EPHB1: variants seen among roughly 807,000 people sequenced by gnomAD.
EPHB1 encodes ephrin type-B receptor 1.
EPHB1 carries 30 observed loss-of-function variants against 94.4 expected under a neutral mutation model. The ratio of observed to expected loss-of-function variants is 0.32; its 90% CI spans 0.24 to 0.43. The LOEUF (loss-of-function observed/expected upper bound fraction) is 0.43, where lower values mean the gene tolerates loss of function less well. Among genes scored for constraint, EPHB1 ranks in the 20% least tolerant of loss-of-function variants. The probability of loss-of-function intolerance (pLI) is 1.00; values close to 1 mark genes in which losing one functional copy is unlikely to be tolerated. For missense variants in EPHB1, 1,055 were observed against 1,308.3 expected, an observed-to-expected ratio of 0.81 and a Z score of 2.99; for synonymous variants, 522 against 489.1, an observed-to-expected ratio of 1.07 and a Z score of -0.89.
chr3:135,088,878 A>C (rs1392677095), intron 3 of EPHB1, among the ~76,000 whole-genome samples: 1 of 152,238 alleles, frequency 6.6e-6, no homozygotes, highest in East Asian at 1.9e-4. Flanking sequence ...TTTATAATAG[A>C]AAATATTAAC....
At chr3:134,831,409 C>A (rs923626281) in intron 1 of EPHB1, among the ~76,000 whole-genome samples, 3 of 152,196 alleles carry the variant, frequency 2.0e-5, no homozygotes, top group African/African-American at 7.2e-5. Context: ...CGGGCCATGG[C>A]CTTTCACACT....
chr3:134,903,204 G>A (rs544743039), intron 1 of EPHB1, among the ~76,000 whole-genome samples: 10 of 152,346 alleles, frequency 6.6e-5, no homozygotes, highest in East Asian at 1.9e-4. Flanking sequence ...GGGTGGCTCC[G>A]TGCCAAGCTG....
chr3:135,255,392 A>G (rs78979334), intron 15 of EPHB1, among the ~76,000 whole-genome samples: 25,717 of 115,400 alleles, frequency 0.22, 3,470 homozygotes, highest in Middle Eastern at 0.34. Context: ...CTTTGAATGC[A>G]TCCCAGAGAT....
intron 9 of EPHB1, among the ~76,000 whole-genome samples, chr3:135,176,245 C>T (rs1941974894): frequency 6.6e-6 from 1 of 152,162 alleles, no homozygotes; most frequent in African/African-American, 2.4e-5. Flanking sequence ...GCCACCTTCC[C>T]AGCCCACCCT....
intron 13 of EPHB1, among the ~76,000 whole-genome samples, chr3:135,246,884 TTATCTCATGTCC>T (rs1469914432): frequency 3.6e-4 from 55 of 152,330 alleles, no homozygotes; most frequent in African/African-American, 1.1e-3. Context: ...GGTTATCATT[TTATCTCATGTCC>T]TATCTCATGT....
chr3:134,912,655 CT>C (rs966158690), intron 1 of EPHB1, among the ~76,000 whole-genome samples: 26 of 152,244 alleles, frequency 1.7e-4, no homozygotes, highest in African/African-American at 6.0e-4. Flanking sequence ...TAAATGCCCC[CT>C]GAGGCCTGAT....
At chr3:134,884,414 A>G (rs181393019) in intron 1 of EPHB1, among the ~76,000 whole-genome samples, 39 of 152,314 alleles carry the variant, frequency 2.6e-4, no homozygotes, top group South Asian at 6.2e-4. Flanking sequence ...AATGAGTACA[A>G]CTTTCTTTTA....
At chr3:135,173,090 A>G (rs1941854994) in intron 9 of EPHB1, among the ~76,000 whole-genome samples, 1 of 145,574 alleles carries the variant, frequency 6.9e-6, no homozygotes, top group Admixed American at 7.0e-5. Context: ...GCTGGAGTGC[A>G]GTGGCGGGAT....
At chr3:135,229,176 T>A (rs1052614606) in intron 12 of EPHB1, among the ~76,000 whole-genome samples, 1 of 152,230 alleles carries the variant, frequency 6.6e-6, no homozygotes, top group Non-Finnish European at 1.5e-5. Context: ...GCAGGGCTCA[T>A]GCAGGGAGGC....
chr3:134,942,778 A>G (rs79573991), intron 2 of EPHB1, among the ~76,000 whole-genome samples: 143 of 152,360 alleles, frequency 9.4e-4, no homozygotes, highest in African/African-American at 3.2e-3. Flanking sequence ...ATGGTGTTCC[A>G]TAATTCCAGT....
At chr3:135,231,960 C>T (rs1943541768) in intron 12 of EPHB1, among the ~76,000 whole-genome samples, 1 of 152,148 alleles carries the variant, frequency 6.6e-6, no homozygotes, top group Non-Finnish European at 1.5e-5. Flanking sequence ...AAATAAGCAG[C>T]AGGGCCAGAT....
intron 3 of EPHB1, among the ~76,000 whole-genome samples, chr3:135,105,814 C>A (rs1489672682): frequency 6.6e-6 from 1 of 152,144 alleles, no homozygotes; most frequent in Non-Finnish European, 1.5e-5. Flanking sequence ...GGAAGCATAT[C>A]AAAATGCAAT....
At chr3:135,093,721 C>CAAAAAAAAAA (rs11297040) in intron 3 of EPHB1, among the ~76,000 whole-genome samples, 1 of 140,500 alleles carries the variant, frequency 7.1e-6, no homozygotes. Context: ...GACCCTGACT[C>CAAAAAAAAAA]AAAAAAAAAA....
At chr3:134,796,721 G>A (rs1344887023) in intron 1 of EPHB1, among the ~76,000 whole-genome samples, 1 of 152,264 alleles carries the variant, frequency 6.6e-6, no homozygotes, top group Non-Finnish European at 1.5e-5. Context: ...CGGAGTTGGA[G>A]TTGTCGGGAG....
At chr3:135,161,715 C>T (rs1231374324) in intron 6 of EPHB1, among the ~76,000 whole-genome samples, 1 of 152,186 alleles carries the variant, frequency 6.6e-6, no homozygotes, top group Non-Finnish European at 1.5e-5. Context: ...CACCTCTGAA[C>T]CCTTGGGGAG....
At chr3:134,964,881 A>T (rs1933669745) in intron 3 of EPHB1, among the ~76,000 whole-genome samples, 1 of 152,186 alleles carries the variant, frequency 6.6e-6, no homozygotes, top group African/African-American at 2.4e-5. Context: ...ATTTCCATTC[A>T]TTGTTTTTAT....
chr3:135,125,243 T>C (rs1576408401), intron 4 of EPHB1, among the ~76,000 whole-genome samples: 1 of 151,556 alleles, frequency 6.6e-6, no homozygotes, highest in East Asian at 1.9e-4. Context: ...CTCCCTCCCC[T>C]ATGGTAAAAC....
chr3:134,981,969 T>G (rs935610481), intron 3 of EPHB1, among the ~76,000 whole-genome samples: 2 of 152,230 alleles, frequency 1.3e-5, no homozygotes, highest in African/African-American at 4.8e-5. Flanking sequence ...CTAAGTCTAA[T>G]TTAACCCACA....
rs902841767 is a variant in EPHB1, at chr3:135,106,029, C to T, written c.806-419C>T. Among the ~76,000 whole-genome samples, 6 of 152,172 alleles carry T rather than the reference C, an allele frequency of 3.9e-5. No individual in the cohort carries two copies. The South Asian group carries it at 1.2e-3, about 32-fold the overall frequency. On this transcript the variant is annotated intron_variant, in intron 3 of 15. Transcript: ENST00000398015. ...TCATTGAAAAACCTGGGACCCCTTTCTAACTGAGGCCATAGGATGAGATGT... is the reference window on the plus strand; with the variant it reads ...TCATTGAAAAACCTGGGACCCCTTTTTAACTGAGGCCATAGGATGAGATGT...
Sources: allele counts gnomAD v4.1 joint callset (sites outside exome capture counted in the v4.1 genomes callset), GRCh38; gene constraint gnomAD v4.1.1; transcripts MANE v1.5; gene names NCBI Gene and HGNC (gene_info 2026-07-23, HGNC 2026-07-21).